The following DNM3 variants were observed in gnomAD, a reference collection of about 807,000 sequenced individuals.
DNM3 encodes the protein dynamin 3.
A neutral mutation model predicts 101.6 loss-of-function variants in DNM3; 47 were observed. That is an observed-to-expected ratio of 0.46 (90% CI 0.37 to 0.59). The LOEUF (loss-of-function observed/expected upper bound fraction) is 0.59. Ranked by LOEUF, DNM3 falls within the 20% of genes least tolerant of loss-of-function variation. The pLI is 0.00. For missense variants in DNM3, 849 were observed against 1,085.7 expected, an observed-to-expected ratio of 0.78 and a Z score of 3.06; for synonymous variants, 385 against 387.9, an observed-to-expected ratio of 0.99 and a Z score of 0.09.
chr1:172,184,150 G>A (rs2059444941), intron 14 of DNM3, among the ~76,000 whole-genome samples: 1 of 151,974 alleles, frequency 6.6e-6, no homozygotes, highest in Non-Finnish European at 1.5e-5. Context: ...TTGTTGCAAT[G>A]TTTTCTAAAT....
intron 17 of DNM3, among the ~76,000 whole-genome samples, chr1:172,346,070 C>CCGAGAT (rs1358942602): frequency 1.2e-4 from 17 of 146,482 alleles, no homozygotes; most frequent in African/African-American, 4.4e-4. Context: ...TTGCAGTGAG[C>CCGAGAT]CGAGATCGTG....
chr1:172,390,961 C>T (rs534306108), intron 20 of DNM3, among the ~76,000 whole-genome samples: 12 of 152,230 alleles, frequency 7.9e-5, no homozygotes, highest in African/African-American at 2.6e-4. Flanking sequence ...CTTGCCAGTA[C>T]CCTTCAGAAA....
chr1:172,055,747 A>C (rs1299183425), intron 10 of DNM3, among the ~76,000 whole-genome samples: 2 of 152,184 alleles, frequency 1.3e-5, no homozygotes, highest in Non-Finnish European at 2.9e-5. Flanking sequence ...AATGGCTTCA[A>C]AGCATCATAC....
At position 172,222,689 on chromosome 1, in the gene DNM3, G is replaced by T. The variant is rs79845709; in HGVS notation, c.1660-30884G>T. Among the ~76,000 whole-genome samples, 186 of 152,214 alleles carry T rather than the reference G, an allele frequency of 1.2e-3. 6 individuals carry two copies. In the East Asian group the frequency reaches 0.033, roughly 27 times the overall value. On this transcript the variant is annotated intron_variant, in intron 14 of 20. Transcript: ENST00000627582. ...AAAACAAAGCCATATTTAGGGGTTT[G>T]TTTTGTTGAATTTTATTATTGACAA... is the stretch of plus-strand genomic sequence containing the variant.
At chr1:172,296,009 A>C (rs1170421632) in intron 15 of DNM3, among the ~76,000 whole-genome samples, 1 of 146,356 alleles carries the variant, frequency 6.8e-6, no homozygotes, top group African/African-American at 2.5e-5. Flanking sequence ...ACATACTAAA[A>C]TACTCAAAGT....
chr1:172,020,842 ATTTAATCCT>A (rs1335273670), intron 4 of DNM3, among the ~76,000 whole-genome samples: 1 of 151,294 alleles, frequency 6.6e-6, no homozygotes, highest in Non-Finnish European at 1.5e-5. Context: ...GCGAGAATTT[ATTTAATCCT>A]CTGAAGGCAA....
chr1:172,078,035 A>G (rs2125977338), intron 11 of DNM3, among the ~76,000 whole-genome samples: 1 of 152,014 alleles, frequency 6.6e-6, no homozygotes, highest in Middle Eastern at 3.4e-3. Flanking sequence ...TGTTGCATTG[A>G]TCCCTTTACC....
At chr1:172,046,810 G>T (rs1320065100) in intron 9 of DNM3, among the ~76,000 whole-genome samples, 1 of 152,156 alleles carries the variant, frequency 6.6e-6, no homozygotes, top group Non-Finnish European at 1.5e-5. Context: ...ATTTGGACAT[G>T]TTTATCTGAT....
At chr1:172,000,110 T>C (rs1456067891) in intron 4 of DNM3, among the ~76,000 whole-genome samples, 2 of 151,796 alleles carry the variant, frequency 1.3e-5, no homozygotes, top group Non-Finnish European at 2.9e-5. Context: ...TGAGTGTAGG[T>C]AGAAAAGAGA....
At chr1:172,245,614 T>A (rs2061921304) in intron 14 of DNM3, among the ~76,000 whole-genome samples, 1 of 152,206 alleles carries the variant, frequency 6.6e-6, no homozygotes, top group African/African-American at 2.4e-5. Flanking sequence ...AAAGGTTCAG[T>A]GAACTGCACT....
At position 172,044,466 on chromosome 1, in the gene DNM3, A is replaced by G. The variant is rs771762294; in HGVS notation, c.1196+14A>G. On this transcript the variant is annotated intron_variant, in intron 9 of 20. Coordinates refer to ENST00000627582, the MANE Select transcript of DNM3 (RefSeq NM_015569.5). ...ACATGGTATCAGGCAAGTGATTCAC[A>G]TTTTTCTTGTCATCTGTTCAAGCTA... 3 of 1,597,054 alleles carry G rather than the reference A, an allele frequency of 1.9e-6. No homozygotes were observed. Among genetic ancestry groups the G allele is most frequent in the East Asian group, 4.5e-5 (2 of 44,504 alleles).
At chr1:172,031,085 A>G (rs2048569266) in intron 4 of DNM3, among the ~76,000 whole-genome samples, 1 of 152,194 alleles carries the variant, frequency 6.6e-6, no homozygotes, top group Admixed American at 6.5e-5. Context: ...TTATTCTACT[A>G]TAAAGACACA....
intron 15 of DNM3, among the ~76,000 whole-genome samples, chr1:172,258,056 T>G (rs1418396330): frequency 6.6e-6 from 1 of 152,182 alleles, no homozygotes; most frequent in Admixed American, 6.6e-5. Context: ...TGTGTTTGGC[T>G]TACTTGACTT....
intron 15 of DNM3, among the ~76,000 whole-genome samples, chr1:172,308,006 A>G (rs2064915305): frequency 6.6e-6 from 1 of 152,180 alleles, no homozygotes; most frequent in African/African-American, 2.4e-5. Context: ...TGTACCCTAG[A>G]ACTTAAAGTA....
At chr1:172,338,964 T>C (rs2066566435) in intron 17 of DNM3, 2 of 417,614 alleles carry the variant, frequency 4.8e-6, no homozygotes, top group African/African-American at 4.2e-5. Context: ...TTAGAATTAT[T>C]CTACTAAATA....
chr1:172,211,482 A>G (rs2060512452), intron 14 of DNM3, among the ~76,000 whole-genome samples: 1 of 152,116 alleles, frequency 6.6e-6, no homozygotes, highest in African/African-American at 2.4e-5. Context: ...TTCTTAATGC[A>G]TTTTGCAGAA....
chr1:172,252,202 A>G (rs1341011095), intron 14 of DNM3, among the ~76,000 whole-genome samples: 1 of 152,020 alleles, frequency 6.6e-6, no homozygotes, highest in East Asian at 1.9e-4. Flanking sequence ...ACTTCCTTCA[A>G]TGTTTTCAGT....
intron 1 of DNM3, among the ~76,000 whole-genome samples, chr1:171,874,690 G>A (rs559231419): frequency 9.2e-5 from 14 of 151,972 alleles, no homozygotes; most frequent in Non-Finnish European, 1.8e-4. Flanking sequence ...AGATCAGGGG[G>A]CATATATGCA....
intron 10 of DNM3, among the ~76,000 whole-genome samples, chr1:172,050,274 A>T (rs541005185): frequency 7.9e-5 from 12 of 152,152 alleles, no homozygotes; most frequent in Non-Finnish European, 1.5e-4. Flanking sequence ...AGATTAACTG[A>T]TACTGAGTTT....
Sources: allele counts gnomAD v4.1 joint callset (sites outside exome capture counted in the v4.1 genomes callset), GRCh38; gene constraint gnomAD v4.1.1; transcripts MANE v1.5; gene names NCBI Gene and HGNC (gene_info 2026-07-23, HGNC 2026-07-21).